The following KRT39 variants were observed in gnomAD, a reference collection of about 807,000 sequenced individuals.
The protein encoded by KRT39 is keratin, type I cytoskeletal 39.
Under a neutral mutation model 54.8 loss-of-function variants are expected in KRT39, and 47 were observed. The observed-to-expected ratio is 0.86, with a 90% CI of 0.68 to 1.09. The LOEUF is 1.09. Ranked by LOEUF, KRT39 falls within the 50% of genes least tolerant of loss-of-function variation. KRT39 has a pLI of 0.00. For synonymous variants in KRT39, 207 were observed against 227.9 expected (o/e 0.91, Z 0.83); for missense variants, 580 against 598.5 (o/e 0.97, Z 0.32).
At chr17:40,964,585 A>AG in intron 1 of KRT39, 57 bp from the exon 2 acceptor site, 1 of 1,228,020 alleles carries the variant, frequency 8.1e-7, no homozygotes, top group East Asian at 2.3e-5. Flanking sequence ...TCCTTCTTTA[A>AG]GAACCAAGGG....
rs1310277514 is a variant in KRT39 at position 40,963,702 on chromosome 17, C to A, written c.633G>T (p.Leu211=). The change falls in exon 3 of 7, where the codon CTG becomes CTT. Residue 211 remains leucine (L), a synonymous_variant. Coordinates refer to ENST00000355612, the MANE Select transcript of KRT39 (RefSeq NM_213656.4). ...GLKQILNVLT[L]GKADLEAQVQ... is the part of the protein sequence containing the mutation. ...CTTGTGCCTCTAGGTCGGCCTTGCC[C>A]AGGGTCAGCACATTCAGGATCTGCT... is the stretch of plus-strand genomic sequence containing the variant. The A allele has an allele frequency of 3.7e-6, 6 of 1,611,722 alleles. No homozygotes were observed. The highest frequency in any genetic ancestry group is 4.2e-6 in the Non-Finnish European group (5 of 1,178,220).
At position 40,966,653 on chromosome 17, in the gene KRT39, C is replaced by T. The variant is rs767633141; in HGVS notation, c.204G>A (p.Lys68=). Residue 68 remains lysine (K), a synonymous_variant, in exon 1 of 7, where the codon AAG becomes AAA. Coordinates refer to ENST00000355612, the MANE Select transcript of KRT39 (RefSeq NM_213656.4). The part of the protein sequence containing the change: ...GCQPTPRFCR[K]PIYLMNNFNA... ...TGAAGTTGTTCATTAGGTAGATGGG[C>T]TTGCGACAAAAGCGAGGAGTGGGTT... 3 of 1,614,204 alleles carry T rather than the reference C, an allele frequency of 1.9e-6. No individual in the cohort carries two copies. The highest frequency in any genetic ancestry group is 4.5e-5 in the East Asian group (2 of 44,884).
rs760202833 is a variant in KRT39, at chr17:40,963,705, G to A, written c.630C>T (p.Thr210=). The A allele has an allele frequency of 6.2e-7, 1 of 1,611,528 alleles. No individual in the cohort carries two copies. The highest frequency in any genetic ancestry group is 8.5e-7 in the Non-Finnish European group (1 of 1,178,102). The change falls in exon 3 of 7, where the codon ACC becomes ACT. Residue 210 remains threonine, a synonymous_variant. Coordinates refer to ENST00000355612, the MANE Select transcript of KRT39 (RefSeq NM_213656.4). The part of the protein sequence containing the change: ...NGLKQILNVL[T]LGKADLEAQV... ...GTGCCTCTAGGTCGGCCTTGCCCAG[G>A]GTCAGCACATTCAGGATCTGCTTGA...
Position 40,966,902 on chromosome 17 carries a change from AT to A in KRT39, c.-47del. On this transcript the variant is annotated 5_prime_UTR_variant, in exon 1 of 7. Transcript: ENST00000355612. ...TTGTTCCAGGTCTGTGGTCACCAGG[AT>A]GAAAAGCTCAAGCCACCTCCACAGA... The A allele has an allele frequency of 7.0e-7, 1 of 1,435,200 alleles. No individual in the cohort carries two copies. The highest frequency in any genetic ancestry group is 9.8e-7 in the Non-Finnish European group (1 of 1,024,322). 88.9% of individuals were successfully genotyped at this position (1,435,200 alleles called of 1,614,324 possible).
chr17:40,965,042 A>T (rs190065246), intron 1 of KRT39, among the ~76,000 whole-genome samples: 13,957 of 120,234 alleles, frequency 0.12, 760 homozygotes, highest in Middle Eastern at 0.15. Flanking sequence ...TAAAAATATA[A>T]AAAAAAAAAA....
chr17:40,964,169 TCACCTTAAAGAGAGTAA>T lies in KRT39; in HGVS notation c.551+260_551+276del, dbSNP rs1243157070. On this transcript the variant is annotated intron_variant, in intron 2 of 6. Coordinates refer to ENST00000355612, the MANE Select transcript of KRT39 (RefSeq NM_213656.4). ...TTAGCCTCACTAAGCCACAGATTTC[TCACCTTAAAGAGAGTAA>T]CAATATATTAGTCCTATCTATTTTA... The T allele has an allele frequency of 1.5e-5, 7 of 461,592 alleles. No individual in the cohort carries two copies. In the South Asian group the frequency reaches 2.1e-4, roughly 14 times the overall value. The allele number at this position is 461,592 out of a possible 1,614,324, so 28.6% of individuals were successfully genotyped here.
Position 40,958,808 on chromosome 17 carries a change from A to G in KRT39, c.1269T>C (p.Ser423=). Residue 423 remains serine, a synonymous_variant, in exon 7 of 7, where the codon TCT becomes TCC. Transcript: ENST00000355612. The part of the protein sequence containing the change: ...ATKCEPSPWT[S]CKSGAIESTA... Reference sequence around the variant, plus strand: ...TGCTTTCTATGGCTCCGGACTTACAAGATGTCCAAGGGGAAGGCTCACATT... The same window carrying G: ...TGCTTTCTATGGCTCCGGACTTACAGGATGTCCAAGGGGAAGGCTCACATT... 6.2e-7 allele frequency: 1 copy of G among 1,613,312 alleles called. No individual in the cohort carries two copies. Among genetic ancestry groups the G allele is most frequent in the Non-Finnish European group, 8.5e-7 (1 of 1,179,674 alleles).
In KRT39 at chr17:40,958,428, G is replaced by A. The variant is rs1597902230; in HGVS notation, c.*173C>T. On this transcript the variant is annotated 3_prime_UTR_variant, in exon 7 of 7. Coordinates refer to ENST00000355612, the MANE Select transcript of KRT39 (RefSeq NM_213656.4). Reference sequence around the variant, plus strand: ...GTAATTTATTATCATGTTAGCAGTGGTGAGTTAGGGAAGGAGCAGAATAAA... The same window carrying A: ...GTAATTTATTATCATGTTAGCAGTGATGAGTTAGGGAAGGAGCAGAATAAA... The A allele has an allele frequency of 6.9e-6, 4 of 577,862 alleles. No homozygotes were observed. The highest frequency in any genetic ancestry group is 3.8e-5 in the African/African-American group (2 of 52,294). 35.8% of individuals were successfully genotyped at this position (577,862 alleles called of 1,614,324 possible).
intron 5 of KRT39, 97 bp downstream of exon 5, chr17:40,962,065 T>A (rs1911172227): frequency 6.9e-7 from 1 of 1,457,798 alleles, no homozygotes; most frequent in African/African-American, 1.4e-5. Flanking sequence ...GAGGAACTAT[T>A]GTTCTGAAAG....
intron 5 of KRT39, 63 bp downstream of exon 5, chr17:40,962,099 C>T (rs970686579): frequency 1.3e-6 from 2 of 1,571,012 alleles, no homozygotes; most frequent in African/African-American, 2.7e-5. Context: ...AATACTGCAG[C>T]ACACAGGTGT....
Position 40,963,659 on chromosome 17 carries a change from C to A in KRT39, c.676G>T (p.Glu226Ter), listed in dbSNP as rs140648236. The A allele has an allele frequency of 1.3e-5, 21 of 1,609,120 alleles. No individual in the cohort carries two copies. The South Asian group carries it at 2.0e-4, about 15-fold the overall frequency. Residue 226 changes from glutamate to a stop codon, truncating the protein, a stop_gained, in exon 3 of 7, where the codon GAG (glutamate) becomes TAG (stop). Coordinates refer to ENST00000355612, the MANE Select transcript of KRT39 (RefSeq NM_213656.4). LOFTEE classifies it high-confidence loss of function. ...LEAQVQSLKEELLCLKNNHKE... is the reference protein window; with the variant it reads ...LEAQVQSLKE ...TGGTTGTTCTTGAGGCAAAGGAGCTCCTCTTTCAGAGACTGGACTTGTGCC... is the reference window on the plus strand; with the variant it reads ...TGGTTGTTCTTGAGGCAAAGGAGCTACTCTTTCAGAGACTGGACTTGTGCC...
rs1326740249 is a variant in KRT39, at chr17:40,958,648, A to T, written c.1429T>A (p.Tyr477Asn). Residue 477 changes from tyrosine to asparagine, a missense_variant, in exon 7 of 7, where the codon TAC (tyrosine) becomes AAC (asparagine). Transcript: ENST00000355612. The part of the protein sequence containing the change: ...EIKDGKVISS[Y>N]EHVQPCFIIR... Reference sequence around the variant, plus strand: ...ATGAAACAAGGCTGCACATGCTCGTAAGAAGAAATGACCTTCCCATCCTTA... The same window carrying T: ...ATGAAACAAGGCTGCACATGCTCGTTAGAAGAAATGACCTTCCCATCCTTA... 1 of 1,613,762 alleles carries T rather than the reference A, an allele frequency of 6.2e-7. No individual in the cohort carries two copies. Among genetic ancestry groups the T allele is most frequent in the Non-Finnish European group, 8.5e-7 (1 of 1,179,892 alleles).
chr17:40,960,822 C>A (rs1329174187), intron 5 of KRT39: 1 of 371,714 alleles, frequency 2.7e-6, no homozygotes, highest in African/African-American at 2.1e-5. Flanking sequence ...TAACTTAATG[C>A]ACACCCAGGC....
At position 40,958,817 on chromosome 17, in the gene KRT39, A is replaced by G; in HGVS notation, c.1260T>C (p.Pro420=). 2 of 1,612,466 alleles carry G rather than the reference A, an allele frequency of 1.2e-6. No homozygotes were observed. The highest frequency in any genetic ancestry group is 1.7e-4 in the Middle Eastern group (1 of 6,042). The part of the protein sequence containing the change: ...YPRATKCEPS[P]WTSCKSGAIE... ...TGGCTCCGGACTTACAAGATGTCCA[A>G]GGGGAAGGCTCACATTTGGTGGCAC... Residue 420 remains proline, a synonymous_variant, in exon 7 of 7, where the codon CCT becomes CCC. Coordinates refer to ENST00000355612, the MANE Select transcript of KRT39 (RefSeq NM_213656.4).
At position 40,963,844 on chromosome 17, in the gene KRT39, G is replaced by C; in HGVS notation, c.552-61C>G. 4 of 1,378,824 alleles carry C rather than the reference G, an allele frequency of 2.9e-6. No homozygotes were observed. The South Asian group carries it at 5.6e-5, about 19-fold the overall frequency. The allele number at this position is 1,378,824 out of a possible 1,614,324, so 85.4% of individuals were successfully genotyped here. ...AAGGAGATGATGCAAACCAAGCCAA[G>C]CAGAACTCTCATCTGCATTTTGCTC... On this transcript the variant is annotated intron_variant, in intron 2 of 6. Transcript: ENST00000355612.
rs2143621006 is a variant in KRT39, at chr17:40,963,660, C to T, written c.675G>A (p.Glu225=). 1 of 1,609,460 alleles carries T rather than the reference C, an allele frequency of 6.2e-7. No individual in the cohort carries two copies. The highest frequency in any genetic ancestry group is 1.1e-5 in the South Asian group (1 of 90,682). ...GGTTGTTCTTGAGGCAAAGGAGCTC[C>T]TCTTTCAGAGACTGGACTTGTGCCT... ...DLEAQVQSLK[E]ELLCLKNNHK... The change falls in exon 3 of 7, where the codon GAG becomes GAA. Residue 225 remains glutamate (E), a synonymous_variant. Coordinates refer to ENST00000355612, the MANE Select transcript of KRT39 (RefSeq NM_213656.4).
Position 40,958,737 on chromosome 17 carries a change from T to G in KRT39, c.1340A>C (p.His447Pro). ...GGACAGGGGTCCGCAGGCACTGCAGTGCTCCTTTAAGCTGCAGGGGGATGA... is the reference window on the plus strand; with the variant it reads ...GGACAGGGGTCCGCAGGCACTGCAGGGCTCCTTTAAGCTGCAGGGGGATGA... ...TSSSPCSLKE[H>P]CSACGPLSRI... Residue 447 changes from histidine (H) to proline (P), a missense_variant, in exon 7 of 7, where the codon CAC becomes CCC. Physicochemically the swap from His to Pro is moderately conservative, Grantham distance 77 (BLOSUM62 -2). Coordinates refer to ENST00000355612, the MANE Select transcript of KRT39 (RefSeq NM_213656.4). 1 of 1,614,128 alleles carries G rather than the reference T, an allele frequency of 6.2e-7. No individual in the cohort carries two copies. Among genetic ancestry groups the G allele is most frequent in the Non-Finnish European group, 8.5e-7 (1 of 1,180,002 alleles).
rs745838372 is a variant in KRT39 at position 40,966,627 on chromosome 17, T to C, written c.230A>G (p.Asn77Ser). 6.2e-7 allele frequency: 1 copy of C among 1,614,236 alleles called. No homozygotes were observed. Among genetic ancestry groups the C allele is most frequent in the Non-Finnish European group, 8.5e-7 (1 of 1,180,044 alleles). ...GCAGTCATCCAGAGAAAAACGGGCA[T>C]TGAAGTTGTTCATTAGGTAGATGGG... is the stretch of plus-strand genomic sequence containing the variant. The part of the protein sequence containing the change: ...RKPIYLMNNF[N>S]ARFSLDDCSW... The change falls in exon 1 of 7, where the codon AAT becomes AGT. Residue 77 changes from asparagine (N) to serine (S), a missense_variant. Asn to Ser is a conservative substitution (Grantham distance 46). Transcript: ENST00000355612.
Position 40,963,610 on chromosome 17 carries a change from A to G in KRT39, c.708+17T>C, listed in dbSNP as rs757695343. ...TAGGGACTTAGCTTGTGATTACTCT[A>G]TTGGTCTTTGTCTCACCTCTTTGTG... On this transcript the variant is annotated intron_variant, in intron 3 of 6. Transcript: ENST00000355612. The G allele has an allele frequency of 1.3e-5, 21 of 1,586,000 alleles. No individual in the cohort carries two copies. The highest frequency in any genetic ancestry group is 3.4e-5 in the South Asian group (3 of 89,132).
Sources: gnomAD v4.1 joint callset for allele counts (sites outside exome capture counted in the v4.1 genomes callset) on GRCh38, gnomAD v4.1.1 for gene constraint, MANE v1.5 for transcripts, NCBI Gene and HGNC (gene_info 2026-07-23, HGNC 2026-07-21) for gene names.